DAB1: variants seen among roughly 807,000 people sequenced by gnomAD.
DAB1 encodes disabled homolog 1.
Under a neutral mutation model 64.6 loss-of-function variants are expected in DAB1, and 15 were observed. That is an observed-to-expected ratio of 0.23 (90% CI 0.16 to 0.36). The LOEUF (loss-of-function observed/expected upper bound fraction) is 0.36, where lower values mean the gene tolerates loss of function less well. DAB1 is among the 10% of genes least tolerant of loss of function. The probability of loss-of-function intolerance (pLI) is 1.00; values close to 1 mark genes in which losing one functional copy is unlikely to be tolerated. For synonymous variants in DAB1, 235 were observed against 251.9 expected, an observed-to-expected ratio of 0.93 and a Z score of 0.64; for missense variants, 596 against 706.7, an observed-to-expected ratio of 0.84 and a Z score of 1.78.
At chr1:57,106,269 C>T (rs1209521934) in intron 4 of DAB1, among the ~76,000 whole-genome samples, 2 of 137,478 alleles carry the variant, frequency 1.5e-5, no homozygotes, top group Non-Finnish European at 3.1e-5. Context: ...CCCCCCCCAT[C>T]AGTATTATCT....
intron 7 of DAB1, among the ~76,000 whole-genome samples, chr1:57,563,106 A>T (rs1215757977): frequency 6.6e-6 from 1 of 152,162 alleles, no homozygotes; most frequent in East Asian, 1.9e-4. Flanking sequence ...ACCACCACAA[A>T]AAAAACACCT....
At chr1:57,359,855 C>G (rs1390950159) in intron 1 of DAB1, among the ~76,000 whole-genome samples, 1 of 151,878 alleles carries the variant, frequency 6.6e-6, no homozygotes, top group Non-Finnish European at 1.5e-5. Flanking sequence ...AATATTATAT[C>G]CCCTCACTAA....
chr1:57,756,406 G>C (rs1395444989), intron 6 of DAB1, among the ~76,000 whole-genome samples: 1 of 152,140 alleles, frequency 6.6e-6, no homozygotes, highest in Non-Finnish European at 1.5e-5. Flanking sequence ...ACTGACTTGG[G>C]AAAGTAAAGC....
intron 5 of DAB1, among the ~76,000 whole-genome samples, chr1:58,055,746 C>T (rs1648015466): frequency 6.6e-6 from 1 of 152,064 alleles, no homozygotes. Context: ...ACTCTGTCAC[C>T]CAGGCTGGAG....
intron 3 of DAB1, among the ~76,000 whole-genome samples, chr1:58,458,157 T>C (rs2100306062): frequency 6.6e-6 from 1 of 152,332 alleles, no homozygotes; most frequent in East Asian, 1.9e-4. Flanking sequence ...TTAAATTACA[T>C]ATAATTAAAA....
intron 3 of DAB1, among the ~76,000 whole-genome samples, chr1:58,443,415 C>T (rs1645033937): frequency 6.6e-6 from 1 of 152,206 alleles, no homozygotes; most frequent in South Asian, 2.1e-4. Flanking sequence ...ATTCCATTAG[C>T]AAACAAACTT....
chr1:57,841,834 T>C (rs1653065068), intron 1 of DAB1, among the ~76,000 whole-genome samples: 2 of 152,322 alleles, frequency 1.3e-5, no homozygotes, highest in South Asian at 2.1e-4. Context: ...ATCTCTGAAA[T>C]GCCTTGGTGG....
chr1:57,338,258 G>A (rs189869418), intron 1 of DAB1, among the ~76,000 whole-genome samples: 5 of 152,112 alleles, frequency 3.3e-5, no homozygotes, highest in African/African-American at 1.2e-4. Context: ...GTGCTGGGAT[G>A]ACAGGAGTGA....
At chr1:57,656,697 T>A (rs899461563) in intron 6 of DAB1, among the ~76,000 whole-genome samples, 21 of 152,220 alleles carry the variant, frequency 1.4e-4, no homozygotes, top group Non-Finnish European at 2.8e-4. Context: ...ATCTTTCCAA[T>A]CACAGAGTAA....
chr1:58,420,118 C>G (rs1251556206), intron 3 of DAB1, among the ~76,000 whole-genome samples: 3 of 152,204 alleles, frequency 2.0e-5, no homozygotes, highest in Admixed American at 2.0e-4. Flanking sequence ...GTCAAAGGAA[C>G]ACAGTGGATT....
At chr1:57,717,145 G>A (rs908513621) in intron 6 of DAB1, among the ~76,000 whole-genome samples, 1 of 151,898 alleles carries the variant, frequency 6.6e-6, no homozygotes, top group Non-Finnish European at 1.5e-5. Context: ...AAGGCTGAGG[G>A]AGGAGAATTA....
chr1:57,017,144 G>T (rs556783512), intron 11 of DAB1, among the ~76,000 whole-genome samples: 2 of 152,212 alleles, frequency 1.3e-5, no homozygotes, highest in East Asian at 3.9e-4. Flanking sequence ...AAACTCCCAT[G>T]TGCTTCCAGG....
chr1:58,529,433 A>G (rs1646399509), intron 1 of DAB1, among the ~76,000 whole-genome samples: 1 of 152,280 alleles, frequency 6.6e-6, no homozygotes, highest in Non-Finnish European at 1.5e-5. Context: ...TCAGTATTAC[A>G]GTGTTTTGGA....
intron 5 of DAB1, among the ~76,000 whole-genome samples, chr1:58,087,663 AGAATAG>A (rs1050207818): frequency 6.6e-6 from 1 of 152,206 alleles, no homozygotes; most frequent in Non-Finnish European, 1.5e-5. Context: ...TATCCATGGC[AGAATAG>A]GAAGTTTGCT....
chr1:58,414,753 C>T (rs1644701975), intron 3 of DAB1, among the ~76,000 whole-genome samples: 1 of 150,500 alleles, frequency 6.6e-6, no homozygotes, highest in African/African-American at 2.4e-5. Flanking sequence ...CACAAGGTCA[C>T]ACAGCAAGTA....
chr1:57,318,628 G>A (rs1675419245), intron 1 of DAB1, among the ~76,000 whole-genome samples: 1 of 151,122 alleles, frequency 6.6e-6, no homozygotes, highest in South Asian at 2.1e-4. Flanking sequence ...TGATCTCATT[G>A]GATTCTTCCA....
intron 3 of DAB1, among the ~76,000 whole-genome samples, chr1:58,422,122 A>G (rs1298066411): frequency 6.6e-6 from 1 of 151,972 alleles, no homozygotes; most frequent in Non-Finnish European, 1.5e-5. Context: ...ACCTATTCCC[A>G]CCGTTTGAAA....
chr1:57,143,600 A>C (rs929888072), intron 3 of DAB1, among the ~76,000 whole-genome samples: 1 of 152,204 alleles, frequency 6.6e-6, no homozygotes, highest in African/African-American at 2.4e-5. Flanking sequence ...ATATAAATGA[A>C]TATCCAGTGT....
At chr1:57,431,143 C>CAAAAAAAAAAAAAAAAAAAAAA (rs77701798) in intron 7 of DAB1, among the ~76,000 whole-genome samples, 2 of 96,412 alleles carry the variant, frequency 2.1e-5, no homozygotes, top group African/African-American at 3.7e-5. Context: ...AGGCCAAAAA[C>CAAAAAAAAAAAAAAAAAAAAAA]AAAAAAAAAA....
Sources: allele counts gnomAD v4.1 joint callset (sites outside exome capture counted in the v4.1 genomes callset), GRCh38; gene constraint gnomAD v4.1.1; transcripts MANE v1.5; gene names NCBI Gene and HGNC (gene_info 2026-07-23, HGNC 2026-07-21).